The following FRMD5 variants were observed in gnomAD, a reference collection of about 807,000 sequenced individuals.
The protein encoded by FRMD5 is FERM domain-containing protein 5.
FRMD5 carries 20 observed loss-of-function variants against 69.0 expected under a neutral mutation model. The observed-to-expected ratio is 0.29, with a 90% CI of 0.20 to 0.42. The LOEUF (loss-of-function observed/expected upper bound fraction) is 0.42. Among genes scored for constraint, FRMD5 ranks in the 10% least tolerant of loss-of-function variants. FRMD5 has a pLI of 1.00. For synonymous variants in FRMD5, 271 were observed against 260.1 expected (o/e 1.04, Z -0.40); for missense variants, 595 against 708.6 (o/e 0.84, Z 1.82).
intron 1 of FRMD5, among the ~76,000 whole-genome samples, chr15:44,014,013 C>T (rs1303105891): frequency 3.3e-5 from 5 of 152,008 alleles, no homozygotes; most frequent in East Asian, 1.9e-4. Flanking sequence ...CCTGCCACCA[C>T]GCCCGGCTAA....
At chr15:43,990,155 G>C in intron 1 of FRMD5, 1 of 580,622 alleles carries the variant, frequency 1.7e-6, no homozygotes, top group Admixed American at 2.1e-5. Context: ...AGCCATTGTC[G>C]ACGACAAGCA....
chr15:44,130,709 AAAGT>A (rs2077086560), intron 1 of FRMD5, among the ~76,000 whole-genome samples: 1 of 152,176 alleles, frequency 6.6e-6, no homozygotes, highest in South Asian at 2.1e-4. Context: ...CAAATGGAAA[AAAGT>A]AAGAGGGAGA....
intron 1 of FRMD5, among the ~76,000 whole-genome samples, chr15:44,038,809 C>T (rs1482202749): frequency 2.0e-5 from 3 of 152,068 alleles, no homozygotes; most frequent in Non-Finnish European, 2.9e-5. Context: ...CCGGGAGGAA[C>T]AGTGCACTGC....
At chr15:44,086,151 T>C in intron 1 of FRMD5, among the ~76,000 whole-genome samples, 1 of 152,124 alleles carries the variant, frequency 6.6e-6, no homozygotes, top group East Asian at 1.9e-4. Flanking sequence ...ACAAGGGATA[T>C]TAGAGTTTCC....
chr15:44,010,498 A>G (rs1013735365), intron 1 of FRMD5, among the ~76,000 whole-genome samples: 4 of 151,718 alleles, frequency 2.6e-5, no homozygotes, highest in African/African-American at 9.7e-5. Context: ...CCTGAGTTCA[A>G]GCCATTTTCC....
intron 1 of FRMD5, among the ~76,000 whole-genome samples, chr15:44,049,079 T>C (rs1194511108): frequency 6.6e-6 from 1 of 152,212 alleles, no homozygotes; most frequent in South Asian, 2.1e-4. Context: ...TGGCATGTGC[T>C]ACCAGCCATG....
intron 1 of FRMD5, among the ~76,000 whole-genome samples, chr15:44,176,458 G>C (rs1337372668): frequency 2.0e-5 from 3 of 152,084 alleles, no homozygotes; most frequent in African/African-American, 7.2e-5. Flanking sequence ...AAACCTTCTT[G>C]ACATTGGGTT....
At chr15:43,895,484 G>T (rs1034399389) in intron 7 of FRMD5, among the ~76,000 whole-genome samples, 1 of 152,242 alleles carries the variant, frequency 6.6e-6, no homozygotes, top group African/African-American at 2.4e-5. Context: ...GTGAAGGCAG[G>T]TGTTAGAGTT....
chr15:43,876,713 T>C (rs1327851155), intron 13 of FRMD5, among the ~76,000 whole-genome samples: 1 of 152,198 alleles, frequency 6.6e-6, no homozygotes, highest in Non-Finnish European at 1.5e-5. Flanking sequence ...TGTGGAATGA[T>C]GGGGTAGAAA....
intron 1 of FRMD5, among the ~76,000 whole-genome samples, chr15:44,094,768 A>T (rs557604743): frequency 1.3e-5 from 2 of 152,234 alleles, no homozygotes; most frequent in Admixed American, 1.3e-4. Context: ...TCTGAAAGAC[A>T]CTTTGGGAGA....
At chr15:44,014,652 G>A (rs550987653) in intron 1 of FRMD5, among the ~76,000 whole-genome samples, 60 of 152,214 alleles carry the variant, frequency 3.9e-4, no homozygotes, top group Non-Finnish European at 6.9e-4. Context: ...CAGGAGAATC[G>A]CTTGAACCCA....
At chr15:44,028,429 G>A (rs1031033871) in intron 1 of FRMD5, among the ~76,000 whole-genome samples, 1 of 152,156 alleles carries the variant, frequency 6.6e-6, no homozygotes, top group African/African-American at 2.4e-5. Flanking sequence ...AAAATCAAAG[G>A]CCAAGTGCCC....
At chr15:44,086,284 T>A (rs927356798) in intron 1 of FRMD5, among the ~76,000 whole-genome samples, 98 of 152,240 alleles carry the variant, frequency 6.4e-4, no homozygotes, top group African/African-American at 2.2e-3. Context: ...GCTCTATTCA[T>A]AACACCCAAA....
intron 1 of FRMD5, among the ~76,000 whole-genome samples, chr15:43,999,241 T>C (rs1890072610): frequency 1.3e-5 from 2 of 152,246 alleles, no homozygotes; most frequent in Admixed American, 6.5e-5. Flanking sequence ...CTAATTTTTA[T>C]AATTTTAGTA....
At chr15:44,018,997 C>T (rs992008141) in intron 1 of FRMD5, among the ~76,000 whole-genome samples, 1 of 151,982 alleles carries the variant, frequency 6.6e-6, no homozygotes, top group African/African-American at 2.4e-5. Flanking sequence ...TGGGTTCAAG[C>T]GATTCTCCTG....
chr15:43,905,778 C>G (rs182978048), intron 6 of FRMD5, 50 bp downstream of exon 6: 1 of 1,609,588 alleles, frequency 6.2e-7, no homozygotes, highest in African/African-American at 1.3e-5. Context: ...CCTGCGTGCT[C>G]AGGCTGTGGA....
intron 1 of FRMD5, among the ~76,000 whole-genome samples, chr15:44,050,455 G>A (rs985355267): frequency 2.7e-5 from 4 of 149,558 alleles, no homozygotes; most frequent in African/African-American, 9.9e-5. Context: ...AACCTCCTGA[G>A]CTCAAGCTGT....
chr15:44,016,140 A>G (rs541233052), intron 1 of FRMD5, among the ~76,000 whole-genome samples: 18 of 152,306 alleles, frequency 1.2e-4, no homozygotes, highest in African/African-American at 4.1e-4. Context: ...CTCATCCTCT[A>G]CAGAGCAATC....
At chr15:43,901,833 G>T in intron 7 of FRMD5, 1 of 268,152 alleles carries the variant, frequency 3.7e-6, no homozygotes, top group Non-Finnish European at 7.1e-6. Context: ...GGTCAGGAAA[G>T]GGTGGGCAGG....
Sources: allele counts gnomAD v4.1 joint callset (sites outside exome capture counted in the v4.1 genomes callset), GRCh38; gene constraint gnomAD v4.1.1; transcripts MANE v1.5; gene names NCBI Gene and HGNC (gene_info 2026-07-23, HGNC 2026-07-21).